KLF12: variants seen among roughly 807,000 people sequenced by gnomAD.
KLF12 encodes the protein Krueppel-like factor 12.
A neutral mutation model predicts 37.8 loss-of-function variants in KLF12; 9 were observed. That is an observed-to-expected ratio of 0.24 (90% confidence interval 0.14 to 0.42). The LOEUF (loss-of-function observed/expected upper bound fraction) is 0.42, where lower values mean the gene tolerates loss of function less well. Among genes scored for constraint, KLF12 ranks in the 10% least tolerant of loss-of-function variants. KLF12 has a pLI of 1.00. For missense variants in KLF12, 411 were observed against 516.0 expected (o/e 0.80, Z 1.97); for synonymous variants, 208 against 202.1 (o/e 1.03, Z -0.25).
At chr13:73,822,832 G>T (rs1883602540) in intron 4 of KLF12, among the ~76,000 whole-genome samples, 1 of 152,056 alleles carries the variant, frequency 6.6e-6, no homozygotes, top group South Asian at 2.1e-4. Flanking sequence ...TCTAGAGCTG[G>T]CCAAGAGCCC....
chr13:74,134,495 G>A (rs966988401), upstream of KLF12, among the ~76,000 whole-genome samples: 1 of 151,666 alleles, frequency 6.6e-6, no homozygotes, highest in South Asian at 2.1e-4. Context: ...CTCCCCGCCC[G>A]GACCGCCGGG....
chr13:74,003,256 T>C (rs1292674568), intron 1 of KLF12, among the ~76,000 whole-genome samples: 1 of 152,066 alleles, frequency 6.6e-6, no homozygotes, highest in Non-Finnish European at 1.5e-5. Context: ...TCTTGAAAAA[T>C]GGGGAAGACA....
intron 6 of KLF12, among the ~76,000 whole-genome samples, chr13:73,721,956 A>G (rs2137733933): frequency 6.6e-6 from 1 of 152,262 alleles, no homozygotes; most frequent in South Asian, 2.1e-4. Context: ...CTTGACCATT[A>G]ATGCCACAAA....
At chr13:73,820,576 T>C (rs1258750561) in intron 4 of KLF12, among the ~76,000 whole-genome samples, 2 of 152,224 alleles carry the variant, frequency 1.3e-5, no homozygotes, top group Non-Finnish European at 2.9e-5. Context: ...CTAATGCCTC[T>C]ACAGAGCAGC....
At chr13:74,180,944 C>T in the KLF12 span, among the ~76,000 whole-genome samples, 2,170 of 152,140 alleles carry the variant, frequency 0.014, 44 homozygotes, top group African/African-American at 0.049. Flanking sequence ...AGGTGATTTA[C>T]CAATCTGATT....
intron 5 of KLF12, among the ~76,000 whole-genome samples, chr13:73,777,108 G>C (rs886387735): frequency 6.6e-6 from 1 of 152,220 alleles, no homozygotes; most frequent in Non-Finnish European, 1.5e-5. Flanking sequence ...CGAGAGGTCA[G>C]AAGAGAGAAA....
chr13:73,906,086 A>G (rs1401552708), intron 3 of KLF12, among the ~76,000 whole-genome samples: 1 of 152,128 alleles, frequency 6.6e-6, no homozygotes, highest in Non-Finnish European at 1.5e-5. Context: ...AACTCTCACC[A>G]CAACGATTGT....
At position 74,056,982 on chromosome 13, in the gene KLF12, C is replaced by A. The variant is rs9565071; in HGVS notation, c.-31-61929G>T. On this transcript the variant is annotated intron_variant, in intron 1 of 7. Coordinates refer to ENST00000377669, the MANE Select transcript of KLF12 (RefSeq NM_007249.5). ...CCAGAAGTGGGTGTGGGCACAGGAG[C>A]CAGAGAAAGTTGCAGTGCTCTGTGT... Among the ~76,000 whole-genome samples the A allele has an allele frequency of 6.5e-3, 992 of 152,212 alleles. 42 individuals carry two copies. The East Asian group carries it at 0.11, about 16-fold the overall frequency.
chr13:74,267,652 G>T, the KLF12 span, among the ~76,000 whole-genome samples: 3 of 152,158 alleles, frequency 2.0e-5, no homozygotes, highest in African/African-American at 7.2e-5. Context: ...GAAGAAATAG[G>T]CTCTAGTGTT....
At chr13:73,927,588 A>G (rs895529352) in intron 3 of KLF12, among the ~76,000 whole-genome samples, 18 of 151,618 alleles carry the variant, frequency 1.2e-4, no homozygotes, top group Middle Eastern at 3.4e-3. Context: ...TTTATTTTTT[A>G]TTTTTTGAGA....
At chr13:74,196,248 G>A in the KLF12 span, among the ~76,000 whole-genome samples, 2 of 152,002 alleles carry the variant, frequency 1.3e-5, no homozygotes, top group Non-Finnish European at 2.9e-5. Flanking sequence ...ACCCTGCTCT[G>A]GAAATTAGGA....
the KLF12 span, among the ~76,000 whole-genome samples, chr13:74,204,270 T>G: frequency 6.6e-6 from 1 of 152,156 alleles, no homozygotes; most frequent in Admixed American, 6.6e-5. Context: ...AGGGAAGGTT[T>G]TGAAATGTTT....
the KLF12 span, among the ~76,000 whole-genome samples, chr13:74,292,038 G>A: frequency 6.6e-6 from 1 of 152,168 alleles, no homozygotes; most frequent in African/African-American, 2.4e-5. Flanking sequence ...TGTGTTAAGA[G>A]CATGGGAAAT....
At chr13:73,722,620 A>T (rs1345577163) in intron 6 of KLF12, among the ~76,000 whole-genome samples, 2 of 152,236 alleles carry the variant, frequency 1.3e-5, no homozygotes, top group Admixed American at 1.3e-4. Flanking sequence ...TAAGATTAGT[A>T]GTTGCCACCC....
At chr13:74,251,393 A>G in the KLF12 span, among the ~76,000 whole-genome samples, 47,272 of 151,820 alleles carry the variant, frequency 0.31, 11,936 homozygotes, top group African/African-American at 0.7. Context: ...TGATCCGCCC[A>G]CCTTGGCCTC....
At chr13:73,926,497 C>CA (rs113781227) in intron 3 of KLF12, among the ~76,000 whole-genome samples, 11 of 150,876 alleles carry the variant, frequency 7.3e-5, no homozygotes, top group South Asian at 2.1e-4. Flanking sequence ...TACTAGGAAA[C>CA]AAAAAAAAAT....
At chr13:74,276,512 A>G in the KLF12 span, among the ~76,000 whole-genome samples, 1 of 152,214 alleles carries the variant, frequency 6.6e-6, no homozygotes, top group Non-Finnish European at 1.5e-5. Flanking sequence ...TTATTTATTT[A>G]GTAAAGTTTC....
At chr13:74,239,199 C>T in the KLF12 span, among the ~76,000 whole-genome samples, 23,552 of 150,800 alleles carry the variant, frequency 0.16, 2,603 homozygotes, top group African/African-American at 0.32. Context: ...TCGTTATGTA[C>T]CCAGTAGTCA....
At chr13:74,087,162 A>G (rs1875356981) in intron 1 of KLF12, among the ~76,000 whole-genome samples, 1 of 152,124 alleles carries the variant, frequency 6.6e-6, no homozygotes, top group African/African-American at 2.4e-5. Flanking sequence ...ATTTGGGGTT[A>G]ATTCTGACAA....
Sources: allele counts gnomAD v4.1 joint callset (sites outside exome capture counted in the v4.1 genomes callset), GRCh38; gene constraint gnomAD v4.1.1; transcripts MANE v1.5; gene names NCBI Gene and HGNC (gene_info 2026-07-23, HGNC 2026-07-21).